The following ZPBP variants were observed in gnomAD, a reference collection of about 807,000 sequenced individuals.
The protein encoded by ZPBP is zona pellucida-binding protein 1.
In ZPBP, 26 loss-of-function variants were observed where a neutral mutation model predicts 44.8. That is an observed-to-expected ratio of 0.58 (90% confidence interval 0.43 to 0.81). The LOEUF (loss-of-function observed/expected upper bound fraction) is 0.81. Among genes scored for constraint, ZPBP ranks in the 30% least tolerant of loss-of-function variants. The pLI, the probability that ZPBP is intolerant of heterozygous loss-of-function variation, is 0.00. For synonymous variants in ZPBP, 174 were observed against 153.2 expected, an observed-to-expected ratio of 1.14 and a Z score of -1.00; for missense variants, 409 against 434.0, an observed-to-expected ratio of 0.94 and a Z score of 0.51.
intron 7 of ZPBP, among the ~76,000 whole-genome samples, chr7:49,956,257 TTAA>T (rs1229232561): frequency 6.6e-6 from 1 of 152,052 alleles, no homozygotes; most frequent in Non-Finnish European, 1.5e-5. Context: ...TATTTTGAAT[TTAA>T]TAATAATGAA....
chr7:49,933,861 A>G (rs1366728804), downstream of ZPBP, among the ~76,000 whole-genome samples: 2 of 140,532 alleles, frequency 1.4e-5, no homozygotes, highest in Non-Finnish European at 3.1e-5. Context: ...ATGAGAACAC[A>G]TGGACACAGG....
chr7:49,933,735 A>G (rs2128750907), downstream of ZPBP, among the ~76,000 whole-genome samples: 1 of 152,306 alleles, frequency 6.6e-6, no homozygotes, highest in East Asian at 1.9e-4. Context: ...AAAAAGGATG[A>G]GCTCATGTCC....
At chr7:49,972,115 T>A (rs1194147512) in intron 7 of ZPBP, among the ~76,000 whole-genome samples, 1 of 151,886 alleles carries the variant, frequency 6.6e-6, no homozygotes, top group African/African-American at 2.4e-5. Context: ...AGACTTTATA[T>A]GAAAAATTCA....
chr7:49,975,715 G>T (rs534640334), intron 7 of ZPBP, among the ~76,000 whole-genome samples: 1 of 152,236 alleles, frequency 6.6e-6, no homozygotes, highest in Admixed American at 6.5e-5. Flanking sequence ...TTGGCTTCCA[G>T]GATGTCCTGG....
intron 2 of ZPBP, among the ~76,000 whole-genome samples, chr7:49,882,488 CTG>C (rs1313355409): frequency 1.3e-5 from 2 of 151,854 alleles, no homozygotes; most frequent in African/African-American, 2.4e-5. Context: ...GGAAGAGAGA[CTG>C]AGACAGATAA....
chr7:50,010,946 C>T (rs1798544917), intron 6 of ZPBP, among the ~76,000 whole-genome samples: 1 of 145,278 alleles, frequency 6.9e-6, no homozygotes, highest in South Asian at 2.2e-4. Context: ...GGAGTCATCA[C>T]ATTACCCGAC....
chr7:49,979,455 A>T (rs1796676878), intron 7 of ZPBP, among the ~76,000 whole-genome samples: 1 of 152,010 alleles, frequency 6.6e-6, no homozygotes, highest in Non-Finnish European at 1.5e-5. Flanking sequence ...ACTTCTTATG[A>T]CAAGAATAAA....
At chr7:50,084,818 T>C (rs919022404) in intron 2 of ZPBP, among the ~76,000 whole-genome samples, 13 of 152,160 alleles carry the variant, frequency 8.5e-5, no homozygotes, top group African/African-American at 3.1e-4. Flanking sequence ...TCAATACAAA[T>C]GGCAGAATAA....
At chr7:50,048,170 GA>G (rs1562869916) in intron 4 of ZPBP, among the ~76,000 whole-genome samples, 1 of 151,746 alleles carries the variant, frequency 6.6e-6, no homozygotes, top group East Asian at 1.9e-4. Flanking sequence ...AGTTACTAAA[GA>G]AAAAAGGGAC....
rs146034035 is a variant in ZPBP at position 49,853,692 on chromosome 7, T to C, written n.510-3178A>G. Among the ~76,000 whole-genome samples, 630 of 152,264 alleles carry C rather than the reference T, an allele frequency of 4.1e-3. 4 individuals are homozygous for C. The highest frequency in any genetic ancestry group is 0.014 in the African/African-American group (572 of 41,560). ...CATTTATTATTGCATCCTTTTTCTT[T>C]AGGAGCATTAAAAACATTTAATTTT... is the stretch of plus-strand genomic sequence containing the variant. On this transcript the variant is annotated intron_variant and non_coding_transcript_variant, in intron 2 of 2. Transcript: ENST00000465922.
chr7:50,054,539 T>C (rs910587760), intron 4 of ZPBP, among the ~76,000 whole-genome samples: 8 of 152,126 alleles, frequency 5.3e-5, no homozygotes, highest in Non-Finnish European at 7.4e-5. Context: ...TCTTGCCATA[T>C]TCAAAACCGA....
At chr7:50,038,912 G>T (rs895710516) in intron 4 of ZPBP, among the ~76,000 whole-genome samples, 1 of 152,096 alleles carries the variant, frequency 6.6e-6, no homozygotes, top group Non-Finnish European at 1.5e-5. Flanking sequence ...TACCATCTAG[G>T]TTTGTATAAG....
intron 1 of ZPBP, among the ~76,000 whole-genome samples, chr7:49,923,769 G>A (rs896878486): frequency 3.9e-5 from 6 of 152,106 alleles, no homozygotes; most frequent in Admixed American, 1.3e-4. Context: ...ATTTCTACTG[G>A]TGATAATTTT....
chr7:49,887,573 CTG>C (rs1791955170), intron 2 of ZPBP, among the ~76,000 whole-genome samples: 8 of 152,120 alleles, frequency 5.3e-5, no homozygotes, highest in Admixed American at 4.6e-4. Flanking sequence ...TCATTTGTGT[CTG>C]TATGATAATC....
chr7:49,931,815 GA>G (rs1483324123), intron 1 of ZPBP, among the ~76,000 whole-genome samples: 1 of 152,156 alleles, frequency 6.6e-6, no homozygotes, highest in Non-Finnish European at 1.5e-5. Flanking sequence ...GGCCTAGGAG[GA>G]AAAAATGGTT....
chr7:49,947,434 A>T (rs1257455908), intron 7 of ZPBP, among the ~76,000 whole-genome samples: 1 of 152,214 alleles, frequency 6.6e-6, no homozygotes, highest in African/African-American at 2.4e-5. Flanking sequence ...CTCCAAGCCT[A>T]GTAACACTGT....
At chr7:50,068,178 G>A (rs1296239228) in intron 3 of ZPBP, among the ~76,000 whole-genome samples, 2 of 152,056 alleles carry the variant, frequency 1.3e-5, no homozygotes, top group Admixed American at 6.5e-5. Context: ...AAGACATTTG[G>A]CATCTAAATG....
chr7:50,071,736 G>C (rs572846051), intron 3 of ZPBP, among the ~76,000 whole-genome samples: 5 of 152,218 alleles, frequency 3.3e-5, no homozygotes, highest in Middle Eastern at 3.4e-3. Flanking sequence ...CCAGGCCCTA[G>C]TTCCAAGAGG....
intron 2 of ZPBP, among the ~76,000 whole-genome samples, chr7:49,874,203 T>C (rs184913833): frequency 3.2e-4 from 48 of 152,248 alleles, no homozygotes; most frequent in Non-Finnish European, 3.4e-4. Context: ...CACACAGTCA[T>C]GTGCCTCATA....
Sources: gnomAD v4.1 joint callset for allele counts (sites outside exome capture counted in the v4.1 genomes callset) on GRCh38, gnomAD v4.1.1 for gene constraint, MANE v1.5 for transcripts, NCBI Gene and HGNC (gene_info 2026-07-23, HGNC 2026-07-21) for gene names.